The following CREB5 variants were observed in gnomAD, a reference collection of about 807,000 sequenced individuals.
CREB5 encodes the protein cyclic AMP-responsive element-binding protein 5.
A neutral mutation model predicts 57.1 loss-of-function variants in CREB5; 19 were observed. That is an observed-to-expected ratio of 0.33 (90% confidence interval 0.23 to 0.49). The LOEUF is 0.49. Among genes scored for constraint, CREB5 ranks in the 20% least tolerant of loss-of-function variants. The pLI, the probability that CREB5 is intolerant of heterozygous loss-of-function variation, is 0.99. For synonymous variants in CREB5, 238 were observed against 238.3 expected, an observed-to-expected ratio of 1.00 and a Z score of 0.01; for missense variants, 579 against 671.6, an observed-to-expected ratio of 0.86 and a Z score of 1.52.
intron 1 of CREB5, among the ~76,000 whole-genome samples, chr7:28,452,000 T>G (rs1247297557): frequency 2.0e-5 from 3 of 152,180 alleles, no homozygotes; most frequent in Non-Finnish European, 2.9e-5. Flanking sequence ...AGCTGCCAGC[T>G]CCCTTTACCG....
At chr7:28,515,277 C>A (rs998813213) in intron 4 of CREB5, among the ~76,000 whole-genome samples, 3 of 152,212 alleles carry the variant, frequency 2.0e-5, no homozygotes, top group African/African-American at 7.2e-5. Context: ...TGTGGACCGT[C>A]TTGGCCTTTC....
chr7:28,507,552 T>C, intron 3 of CREB5, 64 bp from the exon 4 acceptor site: 1 of 1,547,594 alleles, frequency 6.5e-7, no homozygotes, highest in Non-Finnish European at 8.8e-7. Context: ...TGAATCTAGC[T>C]CATGCTTGCT....
chr7:28,602,179 T>G (rs1796942981), intron 5 of CREB5, among the ~76,000 whole-genome samples: 1 of 152,184 alleles, frequency 6.6e-6, no homozygotes, highest in Non-Finnish European at 1.5e-5. Flanking sequence ...CAGGCTGGAG[T>G]GCACTGGTGC....
chr7:28,689,032 A>T (rs113623521), intron 5 of CREB5, among the ~76,000 whole-genome samples: 2 of 152,114 alleles, frequency 1.3e-5, no homozygotes, highest in Non-Finnish European at 2.9e-5. Context: ...AGCTCATTAC[A>T]CTTACCCACG....
chr7:28,656,012 A>G (rs769785762), intron 5 of CREB5, among the ~76,000 whole-genome samples: 4 of 152,336 alleles, frequency 2.6e-5, no homozygotes, highest in Admixed American at 6.5e-5. Flanking sequence ...ACAAATTCTA[A>G]AACATTTAAA....
chr7:28,560,877 TGCGTGCGTGC>T (rs1795130485), intron 4 of CREB5, among the ~76,000 whole-genome samples: 1 of 30,860 alleles, frequency 3.2e-5, no homozygotes, highest in African/African-American at 1.5e-4. Context: ...TGCGTGCGCG[TGCGTGCGTGC>T]GTGTGTGTGC....
At chr7:28,306,321 T>C (rs1009020338) in intron 1 of CREB5, among the ~76,000 whole-genome samples, 5 of 152,186 alleles carry the variant, frequency 3.3e-5, no homozygotes, top group Admixed American at 6.5e-5. Context: ...TTAGAAGGGA[T>C]AATAGCTTGT....
chr7:28,538,200 C>T (rs1794050280), intron 4 of CREB5, among the ~76,000 whole-genome samples: 1 of 152,064 alleles, frequency 6.6e-6, no homozygotes, highest in African/African-American at 2.4e-5. Flanking sequence ...ATTACAGACA[C>T]TCCCCACCAC....
chr7:28,711,387 T>G (rs1802392229), intron 5 of CREB5, among the ~76,000 whole-genome samples: 1 of 152,214 alleles, frequency 6.6e-6, no homozygotes, highest in Non-Finnish European at 1.5e-5. Flanking sequence ...CTGCTGGCAT[T>G]TTGATGCCTT....
rs566350401 is a variant in CREB5 at position 28,798,991 on chromosome 7, G to A, written c.703-5208G>A. Among the ~76,000 whole-genome samples the A allele has an allele frequency of 1.1e-3, 174 of 152,326 alleles. 1 individual carries two copies. The highest frequency in any genetic ancestry group is 1.9e-3 in the Non-Finnish European group (126 of 68,026). The stretch of plus-strand genomic sequence containing the variant: ...TACTGGTCATTTATCATCCCTAAGA[G>A]AGTGGAGTAGAAATTTCTATATTTG... On this transcript the variant is annotated intron_variant, in intron 7 of 10. Transcript: ENST00000357727.
At chr7:28,599,286 G>A (rs1421839944) in intron 5 of CREB5, among the ~76,000 whole-genome samples, 1 of 152,104 alleles carries the variant, frequency 6.6e-6, no homozygotes, top group African/African-American at 2.4e-5. Context: ...AGATTGTAAT[G>A]AACATGTTGT....
At chr7:28,690,253 G>A (rs568729410) in intron 5 of CREB5, among the ~76,000 whole-genome samples, 1 of 152,304 alleles carries the variant, frequency 6.6e-6, no homozygotes, top group Non-Finnish European at 1.5e-5. Flanking sequence ...TGGAGGAGGA[G>A]AGATGGCTTT....
Position 28,570,475 on chromosome 7 carries a change from C to T in CREB5, c.402C>T (p.Ala134=), listed in dbSNP as rs778030866. Residue 134 remains alanine (A), a synonymous_variant, in exon 5 of 11, where the codon GCC becomes GCT. Transcript: ENST00000357727. ...ACACCAACGTTGTGATTCAGCAAGC[C>T]ATGCCGTCGCCTCAGTCCAGCTCTG... The part of the protein sequence containing the change: ...NHDTNVVIQQ[A]MPSPQSSSVI... 1 of 1,614,174 alleles carries T rather than the reference C, an allele frequency of 6.2e-7. No homozygotes were observed. Among genetic ancestry groups the T allele is most frequent in the South Asian group, 1.1e-5 (1 of 91,080 alleles).
At chr7:28,747,466 G>A (rs919167582) in intron 7 of CREB5, among the ~76,000 whole-genome samples, 5 of 152,196 alleles carry the variant, frequency 3.3e-5, no homozygotes, top group Non-Finnish European at 7.3e-5. Flanking sequence ...TCGATCCAAA[G>A]GGAGTTACAG....
intron 7 of CREB5, among the ~76,000 whole-genome samples, chr7:28,757,448 A>G (rs1476444529): frequency 2.0e-5 from 3 of 152,054 alleles, no homozygotes; most frequent in African/African-American, 7.2e-5. Flanking sequence ...TGAGGCGGGC[A>G]GATCACGAGG....
At chr7:28,346,613 G>A (rs1258812242) in intron 1 of CREB5, among the ~76,000 whole-genome samples, 2 of 152,234 alleles carry the variant, frequency 1.3e-5, no homozygotes, top group African/African-American at 4.8e-5. Flanking sequence ...ATTGCCCTGA[G>A]TTAGGGGAAT....
intron 1 of CREB5, among the ~76,000 whole-genome samples, chr7:28,483,134 A>G (rs932930918): frequency 1.3e-5 from 2 of 152,242 alleles, no homozygotes; most frequent in African/African-American, 4.8e-5. Context: ...AGGTATTTAC[A>G]GTATATTGTG....
intron 4 of CREB5, among the ~76,000 whole-genome samples, chr7:28,548,687 AG>A (rs1297108731): frequency 6.6e-6 from 1 of 151,758 alleles, no homozygotes; most frequent in African/African-American, 2.4e-5. Context: ...TGGAAAACAT[AG>A]CAGATTCTTC....
intron 1 of CREB5, among the ~76,000 whole-genome samples, chr7:28,460,177 AG>A (rs1583489463): frequency 6.6e-6 from 1 of 152,194 alleles, no homozygotes; most frequent in African/African-American, 2.4e-5. Flanking sequence ...ATATTTTACA[AG>A]TGTCAGGGAG....
Sources: gnomAD v4.1 joint callset for allele counts (sites outside exome capture counted in the v4.1 genomes callset) on GRCh38, gnomAD v4.1.1 for gene constraint, MANE v1.5 for transcripts, NCBI Gene and HGNC (gene_info 2026-07-23, HGNC 2026-07-21) for gene names.